The following MICU1 variants were observed in gnomAD, a reference collection of about 807,000 sequenced individuals.
MICU1 encodes mitochondrial calcium uptake 1.
A neutral mutation model predicts 56.8 loss-of-function variants in MICU1; 45 were observed. The observed-to-expected ratio is 0.79, with a 90% CI of 0.62 to 1.02. The LOEUF (loss-of-function observed/expected upper bound fraction) is 1.02. MICU1 is among the 50% of genes least tolerant of loss of function. The pLI is 0.00. For synonymous variants in MICU1, 186 were observed against 195.1 expected (o/e 0.95, Z 0.39); for missense variants, 504 against 587.1 (o/e 0.86, Z 1.46).
At chr10:72,395,473 C>T (rs576205143) in intron 10 of MICU1, among the ~76,000 whole-genome samples, 21 of 152,232 alleles carry the variant, frequency 1.4e-4, no homozygotes, top group African/African-American at 4.1e-4. Context: ...CGAAGCAGGG[C>T]GGGGCGTCGC....
rs1589148061 is a variant in MICU1 at position 72,374,353 on chromosome 10, T to G, written c.1270+1430A>C. Among the ~76,000 whole-genome samples the G allele has an allele frequency of 2.0e-5, 3 of 152,316 alleles. No homozygotes were observed. The South Asian group carries it at 6.2e-4, about 32-fold the overall frequency. ...ATTGCCCAGGCTGGTCTCAAACTCCTGGGCTCAAACCATCTTCCTGCCTTA... is the reference window on the plus strand; with the variant it reads ...ATTGCCCAGGCTGGTCTCAAACTCCGGGGCTCAAACCATCTTCCTGCCTTA... On this transcript the variant is annotated intron_variant, in intron 11 of 11. Transcript: ENST00000361114.
chr10:72,429,033 GA>G (rs1864439436), intron 8 of MICU1, among the ~76,000 whole-genome samples: 3 of 152,192 alleles, frequency 2.0e-5, no homozygotes, highest in South Asian at 4.1e-4. Context: ...CCAAAAAATA[GA>G]GATAATATTC....
chr10:72,480,408 A>C (rs530533477), intron 6 of MICU1, among the ~76,000 whole-genome samples: 5 of 152,358 alleles, frequency 3.3e-5, no homozygotes, highest in South Asian at 4.1e-4. Flanking sequence ...ACAGTTGGAA[A>C]TATGGGTCTA....
At chr10:72,439,395 G>C (rs1036244801) in intron 8 of MICU1, among the ~76,000 whole-genome samples, 1 of 152,124 alleles carries the variant, frequency 6.6e-6, no homozygotes, top group Non-Finnish European at 1.5e-5. Flanking sequence ...CTGATGGACC[G>C]TATCTCAAAA....
chr10:72,543,695 A>G (rs1839829153), intron 4 of MICU1, among the ~76,000 whole-genome samples: 2 of 152,152 alleles, frequency 1.3e-5, no homozygotes, highest in Non-Finnish European at 2.9e-5. Context: ...CTCTACCAAA[A>G]ATACAAAAAA....
At chr10:72,438,020 T>C (rs889719766) in intron 8 of MICU1, among the ~76,000 whole-genome samples, 8 of 152,004 alleles carry the variant, frequency 5.3e-5, no homozygotes, top group African/African-American at 1.9e-4. Context: ...ATATCCAGGA[T>C]TTGAACTCAG....
chr10:72,528,506 CAA>C (rs1173137465), intron 5 of MICU1, among the ~76,000 whole-genome samples: 2 of 151,952 alleles, frequency 1.3e-5, no homozygotes, highest in East Asian at 1.9e-4. Flanking sequence ...CTCTGGAAGC[CAA>C]GAGAGAGAGG....
intron 1 of MICU1, among the ~76,000 whole-genome samples, chr10:72,568,885 T>C (rs1394354774): frequency 6.6e-6 from 1 of 150,496 alleles, no homozygotes; most frequent in Non-Finnish European, 1.5e-5. Flanking sequence ...CCTGGGTAGC[T>C]GGGATTACAG....
chr10:72,450,769 G>A (rs985597910), intron 8 of MICU1, among the ~76,000 whole-genome samples: 1 of 145,262 alleles, frequency 6.9e-6, no homozygotes, highest in African/African-American at 2.6e-5. Flanking sequence ...CTCTCATCCA[G>A]GCTGGAGTGC....
At chr10:72,517,063 A>G (rs1289237446) in intron 5 of MICU1, among the ~76,000 whole-genome samples, 1 of 152,240 alleles carries the variant, frequency 6.6e-6, no homozygotes, top group Non-Finnish European at 1.5e-5. Flanking sequence ...AATTACAGAC[A>G]CAAAAATTAT....
At chr10:72,528,450 T>A (rs935044954) in intron 5 of MICU1, among the ~76,000 whole-genome samples, 1 of 152,188 alleles carries the variant, frequency 6.6e-6, no homozygotes, top group Non-Finnish European at 1.5e-5. Context: ...AAAACCTGAA[T>A]AAATATATTA....
chr10:72,604,907 C>A (rs1841646173), intron 1 of MICU1, among the ~76,000 whole-genome samples: 1 of 152,136 alleles, frequency 6.6e-6, no homozygotes, highest in South Asian at 2.1e-4. Flanking sequence ...GTGTTTTATT[C>A]CTGACATGGC....
At chr10:72,509,513 A>G (rs573542990) in intron 5 of MICU1, 1 of 836,784 alleles carries the variant, frequency 1.2e-6, no homozygotes, top group Non-Finnish European at 1.7e-6. Flanking sequence ...TCTTCTCAAT[A>G]AACTCATTCA....
At chr10:72,425,091 G>C (rs749162072) in intron 8 of MICU1, among the ~76,000 whole-genome samples, 1 of 152,142 alleles carries the variant, frequency 6.6e-6, no homozygotes, top group Non-Finnish European at 1.5e-5. Context: ...TTCTAAATGG[G>C]CATACTTTTT....
intron 10 of MICU1, among the ~76,000 whole-genome samples, chr10:72,381,963 T>TACACACACACACACAC (rs10535513): frequency 3.0e-4 from 41 of 138,452 alleles, no homozygotes; most frequent in Non-Finnish European, 5.0e-4. Context: ...TATATATCTA[T>TACACACACACACACAC]ACACACACAC....
chr10:72,545,914 T>C (rs1839883645), intron 4 of MICU1, among the ~76,000 whole-genome samples: 1 of 152,242 alleles, frequency 6.6e-6, no homozygotes, highest in Non-Finnish European at 1.5e-5. Context: ...ATGTGGTATC[T>C]TCTTGCTACA....
chr10:72,391,176 G>A (rs111293893), intron 10 of MICU1, among the ~76,000 whole-genome samples: 41 of 152,354 alleles, frequency 2.7e-4, no homozygotes, highest in African/African-American at 8.2e-4. Context: ...GCTCACGCCT[G>A]TAATCCCAAC....
intron 8 of MICU1, among the ~76,000 whole-genome samples, chr10:72,448,121 ATGTGTGTGTG>A (rs150733309): frequency 8.2e-5 from 10 of 121,782 alleles, no homozygotes; most frequent in Non-Finnish European, 1.1e-4. Context: ...GTTTATATAT[ATGTGTGTGTG>A]TGTGTGTGTG....
At position 72,617,141 on chromosome 10, in the gene MICU1, T is replaced by G. The variant is rs12356857; in HGVS notation, c.-2+8869A>C. 4.5e-3 allele frequency among the ~76,000 whole-genome samples: 679 copies of G among 152,150 alleles called. 2 individuals are homozygous for G. Among genetic ancestry groups the G allele is most frequent in the Non-Finnish European group, 7.3e-3 (497 of 67,994 alleles). Reference sequence around the variant, plus strand: ...TTCTTCACCAGAAATAGAAGACCAGTTTTTTTTGTCCCTTTTATTCATCTC... The same window carrying G: ...TTCTTCACCAGAAATAGAAGACCAGGTTTTTTTGTCCCTTTTATTCATCTC... On this transcript the variant is annotated intron_variant, in intron 1 of 11. Coordinates refer to ENST00000361114, the MANE Select transcript of MICU1 (RefSeq NM_001195518.2).
Sources: allele counts gnomAD v4.1 joint callset (sites outside exome capture counted in the v4.1 genomes callset), GRCh38; gene constraint gnomAD v4.1.1; transcripts MANE v1.5; gene names NCBI Gene and HGNC (gene_info 2026-07-23, HGNC 2026-07-21).